The following TAS2R1 variants were observed in gnomAD, a reference collection of about 807,000 sequenced individuals.
TAS2R1 encodes taste receptor type 2 member 1.
For synonymous variants in TAS2R1, 141 were observed against 134.2 expected, an observed-to-expected ratio of 1.05 and a Z score of -0.35; for missense variants, 370 against 353.4, an observed-to-expected ratio of 1.05 and a Z score of -0.38.
chr5:9,819,840 T>G, the TAS2R1 span, among the ~76,000 whole-genome samples: 2 of 152,122 alleles, frequency 1.3e-5, no homozygotes, highest in African/African-American at 2.4e-5. Context: ...ATCTAGGACA[T>G]TCATGTTAAC....
At chr5:9,718,948 G>C in the TAS2R1 span, among the ~76,000 whole-genome samples, 1 of 152,142 alleles carries the variant, frequency 6.6e-6, no homozygotes, top group African/African-American at 2.4e-5. Flanking sequence ...AGGCTAAAGA[G>C]TCATGACAAC....
chr5:9,811,318 CCA>C, the TAS2R1 span, among the ~76,000 whole-genome samples: 1 of 152,142 alleles, frequency 6.6e-6, no homozygotes, highest in Non-Finnish European at 1.5e-5. Flanking sequence ...TGCTTATAAA[CCA>C]CACAGTCTAC....
chr5:9,892,687 T>C, the TAS2R1 span, among the ~76,000 whole-genome samples: 1 of 152,262 alleles, frequency 6.6e-6, no homozygotes, highest in African/African-American at 2.4e-5. Flanking sequence ...CACTGACCCA[T>C]ATTTAGAACT....
At chr5:9,693,547 A>AAG (rs1316969071) in intron 1 of TAS2R1, among the ~76,000 whole-genome samples, 5,838 of 134,400 alleles carry the variant, frequency 0.043, 229 homozygotes, top group South Asian at 0.091. Flanking sequence ...AAAAAAAAAA[A>AAG]AGAGAGAGAA....
At chr5:9,755,892 T>A in the TAS2R1 span, among the ~76,000 whole-genome samples, 1 of 152,176 alleles carries the variant, frequency 6.6e-6, no homozygotes, top group Non-Finnish European at 1.5e-5. Context: ...CTCATAGCCA[T>A]CTTGGTTTTG....
the TAS2R1 span, among the ~76,000 whole-genome samples, chr5:9,790,779 C>T: frequency 3.3e-5 from 5 of 152,244 alleles, no homozygotes; most frequent in African/African-American, 1.2e-4. Flanking sequence ...CAGTCACTCG[C>T]TACCACGCCT....
At chr5:9,735,516 A>T in the TAS2R1 span, among the ~76,000 whole-genome samples, 135 of 151,534 alleles carry the variant, frequency 8.9e-4, 1 homozygote, top group Admixed American at 9.8e-4. Flanking sequence ...CTGTGTATCA[A>T]ACAAAACCCC....
At chr5:9,761,571 T>C in the TAS2R1 span, among the ~76,000 whole-genome samples, 1 of 152,248 alleles carries the variant, frequency 6.6e-6, no homozygotes, top group Admixed American at 6.5e-5. Context: ...TTTTGATAAC[T>C]TTTTCTTACT....
the TAS2R1 span, among the ~76,000 whole-genome samples, chr5:9,731,833 G>A: frequency 6.6e-6 from 1 of 152,202 alleles, no homozygotes; most frequent in South Asian, 2.1e-4. Context: ...GGCAGGACAT[G>A]TCTGCTTTTA....
chr5:9,698,592 A>G (rs2126523416), intron 1 of TAS2R1, among the ~76,000 whole-genome samples: 1 of 152,318 alleles, frequency 6.6e-6, no homozygotes, highest in African/African-American at 2.4e-5. Context: ...CTCTTACAGG[A>G]AAACCTAAAA....
At chr5:9,827,557 A>T in the TAS2R1 span, among the ~76,000 whole-genome samples, 1 of 142,482 alleles carries the variant, frequency 7.0e-6, no homozygotes, top group Non-Finnish European at 1.5e-5. Context: ...CAACATAGTG[A>T]GATTCCATCC....
At chr5:9,670,430 G>C (rs61118077) in intron 1 of TAS2R1, among the ~76,000 whole-genome samples, 22,369 of 152,136 alleles carry the variant, frequency 0.15, 2,054 homozygotes, top group South Asian at 0.21. Context: ...GACAAATGCT[G>C]AGCTGTTTCT....
At chr5:9,691,352 G>A (rs1053549097) in intron 1 of TAS2R1, among the ~76,000 whole-genome samples, 16 of 152,230 alleles carry the variant, frequency 1.1e-4, no homozygotes, top group African/African-American at 2.7e-4. Context: ...GTGTGACCCC[G>A]CTGGCACCTT....
intron 2 of TAS2R1, among the ~76,000 whole-genome samples, chr5:9,640,204 A>T (rs1233875723): frequency 6.6e-6 from 1 of 152,036 alleles, no homozygotes; most frequent in Non-Finnish European, 1.5e-5. Context: ...CTCAAGGAGA[A>T]GGAGTGCAAT....
At chr5:9,693,331 AACTAAAAATACAAAATTTTTAGTTCTCT>A (rs1561380869) in intron 1 of TAS2R1, among the ~76,000 whole-genome samples, 1 of 152,018 alleles carries the variant, frequency 6.6e-6, no homozygotes, top group Non-Finnish European at 1.5e-5. Context: ...CAACATGGTG[AACTAAAAATACAAAATTTTTAGTTCTCT>A]ACTAAAAATA....
At chr5:9,753,922 C>T in the TAS2R1 span, among the ~76,000 whole-genome samples, 1 of 152,210 alleles carries the variant, frequency 6.6e-6, no homozygotes, top group Non-Finnish European at 1.5e-5. Context: ...TGTTTTGGTA[C>T]CAGTACCATG....
At chr5:9,830,112 T>C in the TAS2R1 span, among the ~76,000 whole-genome samples, 20 of 152,006 alleles carry the variant, frequency 1.3e-4, no homozygotes, top group African/African-American at 4.4e-4. Context: ...TGAAGGGAAG[T>C]AGCTCTTAAG....
the TAS2R1 span, among the ~76,000 whole-genome samples, chr5:9,895,438 CCACAGCCATATG>C: frequency 6.6e-6 from 1 of 152,224 alleles, no homozygotes; most frequent in South Asian, 2.1e-4. Context: ...GATGTAGCAG[CCACAGCCATATG>C]CAATCACTGT....
upstream of TAS2R1, among the ~76,000 whole-genome samples, chr5:9,631,867 C>T (rs537687754): frequency 1.3e-5 from 2 of 152,228 alleles, no homozygotes; most frequent in Non-Finnish European, 2.9e-5. Flanking sequence ...TTCTTCCTGA[C>T]ACAACTACAG....
Sources: gnomAD v4.1 joint callset for allele counts (sites outside exome capture counted in the v4.1 genomes callset) on GRCh38, gnomAD v4.1.1 for gene constraint, MANE v1.5 for transcripts, NCBI Gene and HGNC (gene_info 2026-07-23, HGNC 2026-07-21) for gene names.